Variants in NEUROG1 observed in about 807,000 individuals in gnomAD.
NEUROG1 encodes the protein neurogenin 1, also known as neurogenin-1.
NEUROG1 carries 5 observed loss-of-function variants against 5.7 expected under a neutral mutation model. The observed-to-expected ratio is 0.88, with a 90% CI of 0.46 to 1.85. The LOEUF (loss-of-function observed/expected upper bound fraction) is 1.85. NEUROG1 is among the 40% of genes most tolerant of loss of function. The pLI is 0.01. For missense variants in NEUROG1, 403 were observed against 345.7 expected (o/e 1.17, Z -1.32); for synonymous variants, 196 against 157.4 (o/e 1.25, Z -1.84).
rs1192325174 is a variant in NEUROG1, at chr5:135,535,556, G to T, written c.135C>A (p.Pro45=). The T allele has an allele frequency of 6.4e-7, 1 of 1,573,200 alleles. No individual in the cohort carries two copies. Among genetic ancestry groups the T allele is most frequent in the Admixed American group, 1.8e-5 (1 of 55,510 alleles). Residue 45 remains proline, a synonymous_variant, in exon 1 of 1, where the codon CCC becomes CCA. Transcript: ENST00000314744. ...TGGGCGCGCCCCTGCGGGCCGGCGCGGGCGGCCCCGAAGCGGAGGCTGCCT... is the reference window on the plus strand; with the variant it reads ...TGGGCGCGCCCCTGCGGGCCGGCGCTGGCGGCCCCGAAGCGGAGGCTGCCT... ...LQQAASASGP[P]APARRGAPNI...
chr5:135,534,864 A>T lies in NEUROG1; in HGVS notation c.*113T>A. On this transcript the variant is annotated 3_prime_UTR_variant, in exon 1 of 1. Coordinates refer to ENST00000314744, the MANE Select transcript of NEUROG1 (RefSeq NM_006161.3). Reference sequence around the variant, plus strand: ...CGGCTCAGGTATCCCCGACTGCTTTAAAGCTCCCGCTTCCTCCCTCCGCCT... The same window carrying T: ...CGGCTCAGGTATCCCCGACTGCTTTTAAGCTCCCGCTTCCTCCCTCCGCCT... The T allele has an allele frequency of 3.6e-6, 4 of 1,126,138 alleles. No homozygotes were observed. Among genetic ancestry groups the T allele is most frequent in the East Asian group, 2.6e-5 (1 of 39,094 alleles). The allele number at this position is 1,126,138 out of a possible 1,614,324, so 69.8% of individuals were successfully genotyped here. A position where few individuals can be genotyped will look rare whatever the true frequency, so the allele number is the denominator to read the frequency against.
rs969500309 is a variant in NEUROG1 at position 135,534,806 on chromosome 5, A to C, written c.*171T>G. ...GAGGGCCGGAGAAACAGACCAAGAGACATCCGCCGCGAGGGTGCGGCGACC... is the reference window on the plus strand; with the variant it reads ...GAGGGCCGGAGAAACAGACCAAGAGCCATCCGCCGCGAGGGTGCGGCGACC... On this transcript the variant is annotated 3_prime_UTR_variant, in exon 1 of 1. Coordinates refer to ENST00000314744, the MANE Select transcript of NEUROG1 (RefSeq NM_006161.3). 2.6e-5 allele frequency: 17 copies of C among 654,142 alleles called. No individual in the cohort carries two copies. Among genetic ancestry groups the C allele is most frequent in the Non-Finnish European group, 4.4e-5 (17 of 387,252 alleles). The allele number at this position is 654,142 out of a possible 1,614,324, so 40.5% of individuals were successfully genotyped here. A position where few individuals can be genotyped will look rare whatever the true frequency, so the allele number is the denominator to read the frequency against.
rs1234220531 is a variant in NEUROG1 at position 135,535,882 on chromosome 5, G to T, written c.-192C>A. Reference sequence around the variant, plus strand: ...GAACTTGGCCTGGCCTCCTCGCCTCGCCTGCAGGGGCCACGCGCCCGGCCG... The same window carrying T: ...GAACTTGGCCTGGCCTCCTCGCCTCTCCTGCAGGGGCCACGCGCCCGGCCG... On this transcript the variant is annotated 5_prime_UTR_variant, in exon 1 of 1. Transcript: ENST00000314744. 6.1e-6 allele frequency: 3 copies of T among 494,114 alleles called. No individual in the cohort carries two copies. The highest frequency in any genetic ancestry group is 2.0e-5 in the African/African-American group (1 of 49,072). The allele number at this position is 494,114 out of a possible 1,614,324, so 30.6% of individuals were successfully genotyped here. A position where few individuals can be genotyped will look rare whatever the true frequency, so the allele number is the denominator to read the frequency against.
Position 135,535,093 on chromosome 5 carries a change from T to C in NEUROG1, c.598A>G (p.Ser200Gly). 6.2e-7 allele frequency: 1 copy of C among 1,613,060 alleles called. No homozygotes were observed. Among genetic ancestry groups the C allele is most frequent in the Non-Finnish European group, 8.5e-7 (1 of 1,179,614 alleles). ...AAAASPLSDP[S>G]SPAASEDFTY... ...AAGTCTTCGGAGGCGGCTGGGCTAC[T>C]GGGGTCAGAGAGCGGGGAGGCGGCG... Residue 200 changes from serine to glycine, a missense_variant, in exon 1 of 1, where the codon AGT becomes GGT. Physicochemically the swap from Ser to Gly is moderately conservative, Grantham distance 56 (BLOSUM62 0). Coordinates refer to ENST00000314744, the MANE Select transcript of NEUROG1 (RefSeq NM_006161.3).
rs1438659424 is a variant in NEUROG1, at chr5:135,535,898, C to T, written c.-208G>A. 2.1e-6 allele frequency: 1 copy of T among 479,580 alleles called. No homozygotes were observed. 29.7% of individuals were successfully genotyped at this position (479,580 alleles called of 1,614,324 possible). On this transcript the variant is annotated 5_prime_UTR_variant, in exon 1 of 1. Coordinates refer to ENST00000314744, the MANE Select transcript of NEUROG1 (RefSeq NM_006161.3). ...CCTCGCCTCGCCTGCAGGGGCCACG[C>T]GCCCGGCCGGTCTCCTGAGTGATGT... is the stretch of plus-strand genomic sequence containing the variant.
At position 135,534,972 on chromosome 5, in the gene NEUROG1, A is replaced by G; in HGVS notation, c.*5T>C. 1.2e-6 allele frequency: 2 copies of G among 1,611,790 alleles called. No homozygotes were observed. The highest frequency in any genetic ancestry group is 1.7e-6 in the Non-Finnish European group (2 of 1,179,110). On this transcript the variant is annotated 3_prime_UTR_variant, in exon 1 of 1. Transcript: ENST00000314744. ...AGGGGGAAAGTAACAGTGTCTACAA[A>G]GGGCCTAGTGGTAAGGAATGAAACA...
Position 135,535,353 on chromosome 5 carries a change from T to C in NEUROG1, c.338A>G (p.Asp113Gly), listed in dbSNP as rs1424579165. ...NRMHNLNAAL[D>G]ALRSVLPSFP... is the part of the protein sequence containing the mutation. ...CGAGGGCAGCACGCTGCGCAGTGCG[T>C]CCAGGGCCGCGTTCAAGTTGTGCAT... The change falls in exon 1 of 1, where the codon GAC becomes GGC. Residue 113 changes from aspartate to glycine, a missense_variant. Coordinates refer to ENST00000314744, the MANE Select transcript of NEUROG1 (RefSeq NM_006161.3). 1 of 1,613,116 alleles carries C rather than the reference T, an allele frequency of 6.2e-7. No homozygotes were observed. Among genetic ancestry groups the C allele is most frequent in the Non-Finnish European group, 8.5e-7 (1 of 1,179,586 alleles).
rs898717921 is a variant in NEUROG1 at position 135,535,765 on chromosome 5, G to A, written c.-75C>T. On this transcript the variant is annotated 5_prime_UTR_variant, in exon 1 of 1. Transcript: ENST00000314744. ...TGCAGCCCGGACTGAGGGCAGAGCCGCCAGGGCGCACTTACGTTCCCAACA... is the reference window on the plus strand; with the variant it reads ...TGCAGCCCGGACTGAGGGCAGAGCCACCAGGGCGCACTTACGTTCCCAACA... 1.3e-5 allele frequency: 18 copies of A among 1,351,118 alleles called. No homozygotes were observed. The East Asian group carries it at 3.7e-4, about 28-fold the overall frequency. The allele number at this position is 1,351,118 out of a possible 1,614,324, so 83.7% of individuals were successfully genotyped here.
chr5:135,535,821 G>C lies in NEUROG1; in HGVS notation c.-131C>G. 1 of 882,966 alleles carries C rather than the reference G, an allele frequency of 1.1e-6. No individual in the cohort carries two copies. Among genetic ancestry groups the C allele is most frequent in the Non-Finnish European group, 1.7e-6 (1 of 605,602 alleles). 54.7% of individuals were successfully genotyped at this position (882,966 alleles called of 1,614,324 possible). Reference sequence around the variant, plus strand: ...GGGTTGTTACTCTGTGCCAGTTGCGGGTGCGAGAGCCTGGAAGGGTGCAGG... The same window carrying C: ...GGGTTGTTACTCTGTGCCAGTTGCGCGTGCGAGAGCCTGGAAGGGTGCAGG... On this transcript the variant is annotated 5_prime_UTR_variant, in exon 1 of 1. Coordinates refer to ENST00000314744, the MANE Select transcript of NEUROG1 (RefSeq NM_006161.3).
In NEUROG1 at chr5:135,534,996, CAG is replaced by C. The variant is rs1324901598; in HGVS notation, c.693_694del (p.Cys232PhefsTer10). The C allele has an allele frequency of 1.9e-6, 3 of 1,613,712 alleles. No individual in the cohort carries two copies. Among genetic ancestry groups the C allele is most frequent in the East Asian group, 2.2e-5 (1 of 44,848 alleles). On this transcript the variant is annotated frameshift_variant, in exon 1 of 1. Transcript: ENST00000314744. LOFTEE classifies it high-confidence loss of function. ...AAGGGCCTAGTGGTAAGGAATGAAA[CAG>C]GGCGTTGTGTGGAGCAAGTCTTTGG...
At position 135,535,781 on chromosome 5, in the gene NEUROG1, G is replaced by A. The variant is rs1486091490; in HGVS notation, c.-91C>T. ...GGCAGAGCCGCCAGGGCGCACTTAC[G>A]TTCCCAACAGCCTGGGGTTGTTACT... On this transcript the variant is annotated 5_prime_UTR_variant, in exon 1 of 1. It adds an upstream start codon to the 5' untranslated region. Transcript: ENST00000314744. The A allele has an allele frequency of 8.3e-7, 1 of 1,202,596 alleles. No individual in the cohort carries two copies. Among genetic ancestry groups the A allele is most frequent in the Non-Finnish European group, 1.1e-6 (1 of 876,454 alleles). The allele number at this position is 1,202,596 out of a possible 1,614,324, so 74.5% of individuals were successfully genotyped here.
chr5:135,535,713 G>T lies in NEUROG1; in HGVS notation c.-23C>A. 6.7e-7 allele frequency: 1 copy of T among 1,498,950 alleles called. No homozygotes were observed. The highest frequency in any genetic ancestry group is 8.9e-7 in the Non-Finnish European group (1 of 1,128,298). The allele number at this position is 1,498,950 out of a possible 1,614,324, so 92.9% of individuals were successfully genotyped here. On this transcript the variant is annotated 5_prime_UTR_variant, in exon 1 of 1. Coordinates refer to ENST00000314744, the MANE Select transcript of NEUROG1 (RefSeq NM_006161.3). ...CATCGTTGCGCTGTGCAGGACCGAC[G>T]GACAGATAGAAAGGCGCTCAGAGCG...
Position 135,535,256 on chromosome 5 carries a change from G to C in NEUROG1, c.435C>G (p.Ala145=), listed in dbSNP as rs1442151124. The C allele has an allele frequency of 3.1e-6, 5 of 1,613,194 alleles. No homozygotes were observed. Among genetic ancestry groups the C allele is most frequent in the South Asian group, 1.1e-5 (1 of 91,078 alleles). Residue 145 remains alanine, a synonymous_variant, in exon 1 of 1, where the codon GCC becomes GCG. Coordinates refer to ENST00000314744, the MANE Select transcript of NEUROG1 (RefSeq NM_006161.3). ...RFAYNYIWAL[A]ETLRLADQGL... ...CTTGATCCGCCAGGCGCAGTGTCTCGGCCAGAGCCCAGATGTAGTTGTAGG... is the reference window on the plus strand; with the variant it reads ...CTTGATCCGCCAGGCGCAGTGTCTCCGCCAGAGCCCAGATGTAGTTGTAGG...
In NEUROG1 at chr5:135,535,692, G is replaced by A. The variant is rs1242323190; in HGVS notation, c.-2C>T. ...GCAGGTCTCAAGGCGGGCTGGCATCGTTGCGCTGTGCAGGACCGACGGACA... is the reference window on the plus strand; with the variant it reads ...GCAGGTCTCAAGGCGGGCTGGCATCATTGCGCTGTGCAGGACCGACGGACA... On this transcript the variant is annotated 5_prime_UTR_variant, in exon 1 of 1. In the 5' UTR this introduces an upstream ATG that the reference lacks. Coordinates refer to ENST00000314744, the MANE Select transcript of NEUROG1 (RefSeq NM_006161.3). 2.6e-6 allele frequency: 4 copies of A among 1,552,778 alleles called. No homozygotes were observed. The highest frequency in any genetic ancestry group is 1.7e-4 in the Middle Eastern group (1 of 5,794).
chr5:135,534,831 C>A lies in NEUROG1; in HGVS notation c.*146G>T. 2.6e-6 allele frequency: 2 copies of A among 782,640 alleles called. No individual in the cohort carries two copies. Among genetic ancestry groups the A allele is most frequent in the Non-Finnish European group, 4.0e-6 (2 of 500,034 alleles). The allele number at this position is 782,640 out of a possible 1,614,324, so 48.5% of individuals were successfully genotyped here. A position where few individuals can be genotyped will look rare whatever the true frequency, so the allele number is the denominator to read the frequency against. ...ACATCCGCCGCGAGGGTGCGGCGAC[C>A]TAACAAGCGGCTCAGGTATCCCCGA... On this transcript the variant is annotated 3_prime_UTR_variant, in exon 1 of 1. Coordinates refer to ENST00000314744, the MANE Select transcript of NEUROG1 (RefSeq NM_006161.3).
Position 135,535,699 on chromosome 5 carries a change from T to G in NEUROG1, c.-9A>C. The stretch of plus-strand genomic sequence containing the variant: ...TCAAGGCGGGCTGGCATCGTTGCGC[T>G]GTGCAGGACCGACGGACAGATAGAA... On this transcript the variant is annotated 5_prime_UTR_variant, in exon 1 of 1. Transcript: ENST00000314744. 1 of 1,519,714 alleles carries G rather than the reference T, an allele frequency of 6.6e-7. No individual in the cohort carries two copies. The highest frequency in any genetic ancestry group is 8.8e-7 in the Non-Finnish European group (1 of 1,138,110). The allele number at this position is 1,519,714 out of a possible 1,614,324, so 94.1% of individuals were successfully genotyped here.
Position 135,535,710 on chromosome 5 carries a change from G to C in NEUROG1, c.-20C>G. 1 of 1,501,488 alleles carries C rather than the reference G, an allele frequency of 6.7e-7. No individual in the cohort carries two copies. Among genetic ancestry groups the C allele is most frequent in the Admixed American group, 2.4e-5 (1 of 42,506 alleles). The allele number at this position is 1,501,488 out of a possible 1,614,324, so 93.0% of individuals were successfully genotyped here. A position where few individuals can be genotyped will look rare whatever the true frequency, so the allele number is the denominator to read the frequency against. On this transcript the variant is annotated 5_prime_UTR_variant, in exon 1 of 1. Coordinates refer to ENST00000314744, the MANE Select transcript of NEUROG1 (RefSeq NM_006161.3). ...TGGCATCGTTGCGCTGTGCAGGACCGACGGACAGATAGAAAGGCGCTCAGA... is the reference window on the plus strand; with the variant it reads ...TGGCATCGTTGCGCTGTGCAGGACCCACGGACAGATAGAAAGGCGCTCAGA...
chr5:135,535,493 G>C lies in NEUROG1; in HGVS notation c.198C>G (p.Asp66Glu). Residue 66 changes from aspartate to glutamate, a missense_variant, in exon 1 of 1, where the codon GAC becomes GAG. Coordinates refer to ENST00000314744, the MANE Select transcript of NEUROG1 (RefSeq NM_006161.3). ...SRASEVPGAQDDEQERRRRRG... is the reference protein window; with the variant it reads ...SRASEVPGAQEDEQERRRRRG... Reference sequence around the variant, plus strand: ...GGCGCCGCCGCCTCTCCTGCTCGTCGTCCTGTGCCCCTGGAACCTCAGACG... The same window carrying C: ...GGCGCCGCCGCCTCTCCTGCTCGTCCTCCTGTGCCCCTGGAACCTCAGACG... 2 of 1,572,868 alleles carry C rather than the reference G, an allele frequency of 1.3e-6. No homozygotes were observed. Among genetic ancestry groups the C allele is most frequent in the South Asian group, 1.2e-5 (1 of 86,146 alleles).
chr5:135,534,798 A>G lies in NEUROG1; in HGVS notation c.*179T>C. Reference sequence around the variant, plus strand: ...GCTGGGCTGAGGGCCGGAGAAACAGACCAAGAGACATCCGCCGCGAGGGTG... The same window carrying G: ...GCTGGGCTGAGGGCCGGAGAAACAGGCCAAGAGACATCCGCCGCGAGGGTG... On this transcript the variant is annotated 3_prime_UTR_variant, in exon 1 of 1. Coordinates refer to ENST00000314744, the MANE Select transcript of NEUROG1 (RefSeq NM_006161.3). 2 of 641,482 alleles carry G rather than the reference A, an allele frequency of 3.1e-6. No homozygotes were observed. The highest frequency in any genetic ancestry group is 4.3e-4 in the Middle Eastern group (1 of 2,304). 39.7% of individuals were successfully genotyped at this position (641,482 alleles called of 1,614,324 possible). A position where few individuals can be genotyped will look rare whatever the true frequency, so the allele number is the denominator to read the frequency against.
Sources: allele counts gnomAD v4.1 joint callset, GRCh38; gene constraint gnomAD v4.1.1; transcripts MANE v1.5; gene names NCBI Gene and HGNC (gene_info 2026-07-23, HGNC 2026-07-21).